Variants in TOP2A observed in about 807,000 individuals in gnomAD.
TOP2A encodes DNA topoisomerase 2-alpha.
Under a neutral mutation model 187.2 loss-of-function variants are expected in TOP2A, and 68 were observed. The observed-to-expected ratio is 0.36, with a 90% confidence interval of 0.30 to 0.44. The LOEUF (loss-of-function observed/expected upper bound fraction) is 0.44, where lower values mean the gene tolerates loss of function less well. TOP2A is among the 20% of genes least tolerant of loss of function. TOP2A has a pLI of 1.00. For missense variants in TOP2A, 1,196 were observed against 1,808.7 expected, an observed-to-expected ratio of 0.66 and a Z score of 6.14; for synonymous variants, 542 against 593.2, an observed-to-expected ratio of 0.91 and a Z score of 1.25.
rs367782005 is a variant in TOP2A at position 40,407,585 on chromosome 17, C to T, written c.1590G>A (p.Thr530=). 9 of 1,592,374 alleles carry T rather than the reference C, an allele frequency of 5.7e-6. No individual in the cohort carries two copies. Among genetic ancestry groups the T allele is most frequent in the South Asian group, 2.3e-5 (2 of 85,788 alleles). The change falls in exon 13 of 35, where the codon ACG becomes ACA. Residue 530 remains threonine (T), a synonymous_variant. Transcript: ENST00000423485. ...KNYEDEDSLK[T]LRYGKIMIMT... Reference sequence around the variant, plus strand: ...TAATCATTATCTTCCCATAACGAAGCGTCTTCAATGAATCTTCATCTTCAT... The same window carrying T: ...TAATCATTATCTTCCCATAACGAAGTGTCTTCAATGAATCTTCATCTTCAT...
In TOP2A at chr17:40,398,637, T is replaced by C. The variant is rs764262501; in HGVS notation, c.3458A>G (p.Gln1153Arg). The C allele has an allele frequency of 6.3e-7, 1 of 1,599,100 alleles. No individual in the cohort carries two copies. The highest frequency in any genetic ancestry group is 1.8e-5 in the Admixed American group (1 of 56,990). ...ELCRLRNEKE[Q>R]ELDTLKRKSP... is the part of the protein sequence containing the mutation. ...CTTTCTTTTTAATGTGTCCAGCTCT[T>C]GTTCCTTCATAAGATAATTACAAAA... The change falls in exon 27 of 35, where the codon CAA (glutamine) becomes CGA (arginine). Residue 1153 changes from glutamine (Q) to arginine (R), a missense_variant. Coordinates refer to ENST00000423485, the MANE Select transcript of TOP2A (RefSeq NM_001067.4).
intron 4 of TOP2A, among the ~76,000 whole-genome samples, chr17:40,413,942 C>A (rs2035356799): frequency 6.6e-6 from 1 of 152,052 alleles, no homozygotes; most frequent in South Asian, 2.1e-4. Flanking sequence ...TAGATGTGAG[C>A]CACCATACCC....
intron 20 of TOP2A, among the ~76,000 whole-genome samples, 186 bp from the exon 21 acceptor site, chr17:40,401,267 AAGG>A (rs756003010): frequency 1.4e-4 from 22 of 152,212 alleles, no homozygotes; most frequent in Non-Finnish European, 2.4e-4. Context: ...CTCAATCCTC[AAGG>A]AGCTCACAGT....
Position 40,411,947 on chromosome 17 carries a change from G to A in TOP2A, c.790-129C>T. ...TAGGCATAAGGGAATGGTCATTAAA[G>A]GACACAGGCCGAGGTGGGTGGATCA... On this transcript the variant is annotated intron_variant, in intron 7 of 34. Transcript: ENST00000423485. The surrounding 1 kb of genome is among the most constrained non-coding windows in gnomAD (Gnocchi z 4.4). 1.3e-6 allele frequency: 1 copy of A among 758,264 alleles called. No individual in the cohort carries two copies. Among genetic ancestry groups the A allele is most frequent in the Non-Finnish European group, 2.0e-6 (1 of 498,540 alleles). The allele number at this position is 758,264 out of a possible 1,614,324, so 47.0% of individuals were successfully genotyped here. A position where few individuals can be genotyped will look rare whatever the true frequency, so the allele number is the denominator to read the frequency against.
chr17:40,399,370 TCA>T, intron 24 of TOP2A: 1 of 464,074 alleles, frequency 2.2e-6, no homozygotes, highest in Non-Finnish European at 3.9e-6. Flanking sequence ...AGGGTCTCTC[TCA>T]CTCTTGTGTC....
At chr17:40,397,615 C>G (rs2035117911) in intron 27 of TOP2A, among the ~76,000 whole-genome samples, 1 of 151,692 alleles carries the variant, frequency 6.6e-6, no homozygotes, top group South Asian at 2.1e-4. Context: ...ACTTGGGGGA[C>G]TGGGTTGGTG....
rs750435681 is a variant in TOP2A, at chr17:40,400,852, T to C, written c.2662A>G (p.Met888Val). Residue 888 changes from methionine (M) to valine (V), a missense_variant and splice_region_variant, in exon 21 of 35, where the codon ATG becomes GTG. Met to Val is a conservative substitution (Grantham distance 21, BLOSUM62 1). Around this residue, in one of 10 missense-constraint regions of TOP2A, gnomAD observed 232 missense variants for 306.1 expected, o/e 0.76. Coordinates refer to ENST00000423485, the MANE Select transcript of TOP2A (RefSeq NM_001067.4). The stretch of plus-strand genomic sequence containing the variant: ...CTTAACACACACAGAATACTTACCA[T>C]TGGCAAAGGTTCTTCTCCATCCATC... ...RLMDGEEPLP[M>V]LPSYKNFKGT... 3.3e-5 allele frequency: 54 copies of C among 1,613,760 alleles called. No homozygotes were observed. The highest frequency in any genetic ancestry group is 3.4e-5 in the Non-Finnish European group (40 of 1,179,798).
At chr17:40,410,552 C>A in intron 10 of TOP2A, 1 of 432,004 alleles carries the variant, frequency 2.3e-6, no homozygotes, top group Non-Finnish European at 4.6e-6. Flanking sequence ...AGGACTTAAC[C>A]AGTATGAAGG....
At chr17:40,402,700 C>T (rs547911814) in intron 20 of TOP2A, among the ~76,000 whole-genome samples, 1 of 152,270 alleles carries the variant, frequency 6.6e-6, no homozygotes, top group East Asian at 1.9e-4. Context: ...AGCTCTACAT[C>T]AGGATTTCTC....
chr17:40,405,498 AG>A (rs1289672805), intron 16 of TOP2A, among the ~76,000 whole-genome samples: 8 of 125,768 alleles, frequency 6.4e-5, no homozygotes, highest in African/African-American at 2.2e-4. Flanking sequence ...TCTGTCGCCC[AG>A]GCTGGAGTGC....
chr17:40,409,812 G>A (rs908428694), intron 10 of TOP2A: 15 of 163,930 alleles, frequency 9.2e-5, no homozygotes, highest in Non-Finnish European at 1.8e-4. Context: ...GGGCACAGTG[G>A]CTCATGGCTG....
intron 19 of TOP2A, among the ~76,000 whole-genome samples, chr17:40,403,769 C>T (rs1319292605): frequency 2.6e-5 from 4 of 151,920 alleles, no homozygotes; most frequent in Non-Finnish European, 5.9e-5. Flanking sequence ...TCTTTTTTTC[C>T]TCACCTGAGA....
chr17:40,400,903 C>T lies in TOP2A; in HGVS notation c.2611G>A (p.Glu871Lys). ...AAACGCCTGATGTTATTTACAATTT[C>T]ACGCACATCAAAGTTGGGGATTTTG... ...SCKIPNFDVR[E>K]IVNNIRRLMD... Residue 871 changes from glutamate (E) to lysine (K), a missense_variant, in exon 21 of 35, where the codon GAA becomes AAA. Glu to Lys is a moderately conservative substitution (Grantham distance 56). Transcript: ENST00000423485. The T allele has an allele frequency of 6.2e-7, 1 of 1,613,970 alleles. No homozygotes were observed. The highest frequency in any genetic ancestry group is 8.5e-7 in the Non-Finnish European group (1 of 1,179,888).
At chr17:40,412,155 C>G (rs2035329246) in intron 7 of TOP2A, among the ~76,000 whole-genome samples, 1 of 152,116 alleles carries the variant, frequency 6.6e-6, no homozygotes, top group South Asian at 2.1e-4. Context: ...GTGATTGCAT[C>G]ACTGTACTCC....
intron 10 of TOP2A, 172 bp from the exon 11 acceptor site, chr17:40,408,802 C>A: frequency 1.4e-6 from 1 of 723,948 alleles, no homozygotes; most frequent in Non-Finnish European, 2.5e-6. Flanking sequence ...AGGTTATCAC[C>A]ACTGAGGGAG....
At chr17:40,410,657 G>A (rs771496483) in intron 10 of TOP2A, 2 of 455,874 alleles carry the variant, frequency 4.4e-6, no homozygotes, top group South Asian at 3.1e-5. Context: ...TTAGAGAGGA[G>A]GGGAAATAAA....
In TOP2A at chr17:40,416,113, A is replaced by T. The variant is rs2035387112; in HGVS notation, c.269-45T>A. 8 of 1,412,894 alleles carry T rather than the reference A, an allele frequency of 5.7e-6. No individual in the cohort carries two copies. In the East Asian group the frequency reaches 1.7e-4, roughly 31 times the overall value. 87.5% of individuals were successfully genotyped at this position (1,412,894 alleles called of 1,614,324 possible). The stretch of plus-strand genomic sequence containing the variant: ...ACATTTGTAAGAAATTAGTGTTTTA[A>T]GAAACATTCTGTAACTCTAAGTAAG... On this transcript the variant is annotated intron_variant, in intron 3 of 34. Transcript: ENST00000423485.
intron 31 of TOP2A, 28 bp downstream of exon 31, chr17:40,392,190 C>T: frequency 1.2e-6 from 2 of 1,612,210 alleles, no homozygotes; most frequent in Non-Finnish European, 1.7e-6. Flanking sequence ...ACAATCATGA[C>T]AAAACCCATA....
intron 32 of TOP2A, 131 bp from the exon 33 acceptor site, chr17:40,391,771 C>T (rs2035024582): frequency 9.5e-7 from 1 of 1,052,204 alleles, no homozygotes; most frequent in Non-Finnish European, 1.3e-6. Flanking sequence ...TTAAAACATA[C>T]TCTTAAAACT....
Sources: allele counts gnomAD v4.1 joint callset (sites outside exome capture counted in the v4.1 genomes callset), GRCh38; gene constraint gnomAD v4.1.1; regional missense constraint gnomAD v4.1.1; non-coding constraint Gnocchi (gnomAD v3.1); transcripts MANE v1.5; gene names NCBI Gene and HGNC (gene_info 2026-07-23, HGNC 2026-07-21).